CALCR: variants seen among roughly 807,000 people sequenced by gnomAD.
CALCR encodes the protein calcitonin receptor.
A neutral mutation model predicts 59.5 loss-of-function variants in CALCR; 47 were observed. The observed-to-expected ratio is 0.79, with a 90% CI of 0.63 to 1.01. The LOEUF is 1.01. Ranked by LOEUF, CALCR falls within the 50% of genes least tolerant of loss-of-function variation. CALCR has a pLI of 0.00. For synonymous variants in CALCR, 213 were observed against 211.3 expected, an observed-to-expected ratio of 1.01 and a Z score of -0.07; for missense variants, 566 against 597.1, an observed-to-expected ratio of 0.95 and a Z score of 0.54.
chr7:93,460,569 AAAAAT>A (rs1338220813), intron 8 of CALCR, among the ~76,000 whole-genome samples: 2 of 86,704 alleles, frequency 2.3e-5, no homozygotes, highest in Admixed American at 2.3e-4. Context: ...AAAAAAAAAA[AAAAAT>A]ATATATATAT....
At chr7:93,469,857 T>C (rs1171195054) in intron 6 of CALCR, among the ~76,000 whole-genome samples, 1 of 151,824 alleles carries the variant, frequency 6.6e-6, no homozygotes, top group Non-Finnish European at 1.5e-5. Flanking sequence ...TGAAGTTCTT[T>C]GAATTCCTGG....
At chr7:93,565,838 A>G (rs1335441674) in intron 2 of CALCR, among the ~76,000 whole-genome samples, 1 of 152,230 alleles carries the variant, frequency 6.6e-6, no homozygotes, top group Non-Finnish European at 1.5e-5. Flanking sequence ...AATGTTTTCT[A>G]TGATACATCC....
At chr7:93,502,137 G>T (rs1247450812) in intron 2 of CALCR, among the ~76,000 whole-genome samples, 1 of 152,064 alleles carries the variant, frequency 6.6e-6, no homozygotes, top group African/African-American at 2.4e-5. Context: ...GTTGGGAGTA[G>T]GGGATAACTA....
intron 2 of CALCR, among the ~76,000 whole-genome samples, chr7:93,546,785 T>A (rs1217215664): frequency 2.6e-5 from 4 of 151,870 alleles, no homozygotes; most frequent in Non-Finnish European, 4.4e-5. Flanking sequence ...GGTCTTGAAC[T>A]CCTGGGCTCA....
At chr7:93,431,552 A>T (rs1799659802) in intron 13 of CALCR, among the ~76,000 whole-genome samples, 1 of 152,212 alleles carries the variant, frequency 6.6e-6, no homozygotes, top group African/African-American at 2.4e-5. Context: ...ACCAGCGTGA[A>T]CTTCAACAGC....
At chr7:93,573,110 A>G (rs1362491942) in intron 2 of CALCR, among the ~76,000 whole-genome samples, 1 of 152,214 alleles carries the variant, frequency 6.6e-6, no homozygotes, top group Non-Finnish European at 1.5e-5. Context: ...ATACTGGTGT[A>G]TAACCAGCAA....
In CALCR at chr7:93,443,648, AAC is replaced by A. The variant is rs1306028770; in HGVS notation, c.756_757del (p.Phe253TyrfsTer2). 6 of 1,613,514 alleles carry A rather than the reference AAC, an allele frequency of 3.7e-6. No homozygotes were observed. The highest frequency in any genetic ancestry group is 5.1e-6 in the Non-Finnish European group (6 of 1,179,600). On this transcript the variant is annotated frameshift_variant, in exon 9 of 14. Transcript: ENST00000426151. LOFTEE classifies it high-confidence loss of function. Reference sequence around the variant, plus strand: ...CCACCGCAAGCGTTGCTTCTCAGTAAACACAGCCACGACAATGAGTGTATGAA... The same window carrying A: ...CCACCGCAAGCGTTGCTTCTCAGTAAACAGCCACGACAATGAGTGTATGAA...
chr7:93,453,881 C>A (rs956010193), intron 8 of CALCR, among the ~76,000 whole-genome samples: 1 of 151,996 alleles, frequency 6.6e-6, no homozygotes, highest in Non-Finnish European at 1.5e-5. Flanking sequence ...ACCATGTGAC[C>A]TTGGTTAAAA....
intron 3 of CALCR, among the ~76,000 whole-genome samples, chr7:93,485,192 G>C (rs1434774328): frequency 6.6e-6 from 1 of 151,594 alleles, no homozygotes; most frequent in African/African-American, 2.4e-5. Context: ...AATACAGAGA[G>C]AGAAGCAAAT....
chr7:93,528,743 G>T (rs1407151609), intron 2 of CALCR, among the ~76,000 whole-genome samples: 1 of 152,066 alleles, frequency 6.6e-6, no homozygotes, highest in Admixed American at 6.6e-5. Context: ...CTAAAGAAAG[G>T]TCATACTATA....
chr7:93,532,893 CA>C (rs1364840493), intron 2 of CALCR, among the ~76,000 whole-genome samples: 7 of 142,182 alleles, frequency 4.9e-5, no homozygotes, highest in Non-Finnish European at 9.1e-5. Context: ...ACTTTTCTTT[CA>C]TGAGCTTTCA....
chr7:93,545,514 C>T (rs896117336), intron 2 of CALCR, among the ~76,000 whole-genome samples: 3 of 151,956 alleles, frequency 2.0e-5, no homozygotes, highest in African/African-American at 2.4e-5. Flanking sequence ...TGCTGGACTT[C>T]GATGATATTT....
At chr7:93,537,689 C>T (rs1789026444) in intron 2 of CALCR, among the ~76,000 whole-genome samples, 1 of 151,588 alleles carries the variant, frequency 6.6e-6, no homozygotes, top group South Asian at 2.1e-4. Context: ...AACTTCCTAT[C>T]CTTGTTTTGA....
chr7:93,560,107 G>A (rs577487788), intron 2 of CALCR, among the ~76,000 whole-genome samples: 4 of 152,114 alleles, frequency 2.6e-5, no homozygotes, highest in African/African-American at 9.6e-5. Flanking sequence ...AAAGCCCTCT[G>A]AAAGAAAGGA....
intron 2 of CALCR, among the ~76,000 whole-genome samples, chr7:93,517,844 T>C (rs561001377): frequency 6.7e-4 from 102 of 151,934 alleles, no homozygotes; most frequent in Non-Finnish European, 1.1e-3. Context: ...AAGAGATTAG[T>C]TCAATATAAC....
chr7:93,434,410 A>T, intron 12 of CALCR, 116 bp from the exon 13 acceptor site: 1 of 674,782 alleles, frequency 1.5e-6, no homozygotes, highest in Non-Finnish European at 2.6e-6. Context: ...AAAGCAAGAA[A>T]AAGAATTATC....
chr7:93,467,282 T>C (rs1219601881), intron 7 of CALCR, among the ~76,000 whole-genome samples: 1 of 151,794 alleles, frequency 6.6e-6, no homozygotes, highest in Non-Finnish European at 1.5e-5. Flanking sequence ...TTTTGCTTTA[T>C]CAGTCTTTCT....
At chr7:93,507,922 C>CAA (rs1371470441) in intron 2 of CALCR, among the ~76,000 whole-genome samples, 4 of 135,670 alleles carry the variant, frequency 2.9e-5, no homozygotes, top group African/African-American at 1.1e-4. Flanking sequence ...GACTCCATCT[C>CAA]AAAAAAAAAG....
At chr7:93,550,765 A>G (rs1314854474) in intron 2 of CALCR, among the ~76,000 whole-genome samples, 1 of 152,184 alleles carries the variant, frequency 6.6e-6, no homozygotes, top group Non-Finnish European at 1.5e-5. Flanking sequence ...TGTCTGAATC[A>G]TCTGCATAAT....
Sources: allele counts gnomAD v4.1 joint callset (sites outside exome capture counted in the v4.1 genomes callset), GRCh38; gene constraint gnomAD v4.1.1; transcripts MANE v1.5; gene names NCBI Gene and HGNC (gene_info 2026-07-23, HGNC 2026-07-21).